MTRR: variants seen among roughly 807,000 people sequenced by gnomAD.
MTRR encodes the protein 5-methyltetrahydrofolate-homocysteine methyltransferase reductase.
Under a neutral mutation model 79.2 loss-of-function variants are expected in MTRR, and 63 were observed. That is an observed-to-expected ratio of 0.80 (90% CI 0.65 to 0.98). MTRR has a LOEUF of 0.98. MTRR is among the 50% of genes least tolerant of loss of function. The pLI is 0.00. For missense variants in MTRR, 895 were observed against 839.6 expected, an observed-to-expected ratio of 1.07 and a Z score of -0.82; for synonymous variants, 355 against 313.3, an observed-to-expected ratio of 1.13 and a Z score of -1.41.
intron 1 of MTRR, 28 bp from the exon 2 acceptor site, chr5:7,870,742 A>C (rs755521213): frequency 6.2e-7 from 1 of 1,613,360 alleles, no homozygotes; most frequent in South Asian, 1.1e-5. Flanking sequence ...TTCATTAAAA[A>C]GAGGATCTTT....
upstream of MTRR, chr5:7,865,929 A>G: frequency 2.5e-6 from 4 of 1,614,034 alleles, no homozygotes; most frequent in Non-Finnish European, 3.4e-6. Context: ...GACTGAGGCT[A>G]AGAAAAGTTG....
chr5:7,853,854 G>C (rs1200457972), intron 1 of MTRR, among the ~76,000 whole-genome samples: 1 of 152,150 alleles, frequency 6.6e-6, no homozygotes, highest in Non-Finnish European at 1.5e-5. Context: ...AGGGCTGACA[G>C]CAAAAGACAG....
upstream of MTRR, chr5:7,867,228 A>G: frequency 6.2e-7 from 1 of 1,614,090 alleles, no homozygotes; most frequent in African/African-American, 1.3e-5. Flanking sequence ...GAAACTATTG[A>G]TAGGGAAAAG....
chr5:7,897,488 T>C (rs1738736328), intron 14 of MTRR, among the ~76,000 whole-genome samples: 1 of 152,228 alleles, frequency 6.6e-6, no homozygotes, highest in South Asian at 2.1e-4. Context: ...TGGTACCATT[T>C]ACTTACCTGT....
intron 2 of MTRR, chr5:7,863,273 G>C: frequency 2.6e-6 from 1 of 382,518 alleles, no homozygotes. Context: ...AGGTAAAAAG[G>C]AGTGAGGAGA....
intron 1 of MTRR, chr5:7,861,292 T>A: frequency 7.9e-7 from 1 of 1,264,918 alleles, no homozygotes. Flanking sequence ...GAAAAATACT[T>A]AATTTTTTAA....
intron 2 of MTRR, among the ~76,000 whole-genome samples, chr5:7,872,551 G>A (rs1203509924): frequency 6.6e-6 from 1 of 152,208 alleles, no homozygotes; most frequent in East Asian, 1.9e-4. Context: ...GAGGGAATGA[G>A]CGGTTCTTGA....
intron 1 of MTRR, among the ~76,000 whole-genome samples, chr5:7,860,308 G>A (rs1043979385): frequency 6.6e-6 from 1 of 152,176 alleles, no homozygotes; most frequent in Non-Finnish European, 1.5e-5. Context: ...CTCACGCACT[G>A]CTGAGCCCTC....
intron 2 of MTRR, among the ~76,000 whole-genome samples, chr5:7,872,669 A>G (rs926867331): frequency 1.3e-5 from 2 of 152,074 alleles, no homozygotes; most frequent in African/African-American, 2.4e-5. Flanking sequence ...GGCTGGTTTT[A>G]TATTTTGCTG....
chr5:7,887,572 A>C (rs866644962), intron 8 of MTRR, among the ~76,000 whole-genome samples: 1 of 142,972 alleles, frequency 7.0e-6, no homozygotes, highest in African/African-American at 2.5e-5. Context: ...AGATTTATAT[A>C]TATATATATT....
chr5:7,869,051 G>GGGGCGGGAGCACGACTCA, upstream of MTRR: 1 of 1,523,512 alleles, frequency 6.6e-7, no homozygotes, highest in Non-Finnish European at 9.1e-7. Flanking sequence ...TAGCAAACGC[G>GGGGCGGGAGCACGACTCA]GGGCGGGAGC....
intron 2 of MTRR, 121 bp from the exon 3 acceptor site, chr5:7,873,248 CAAAA>C (rs966879124): frequency 7.9e-7 from 1 of 1,272,610 alleles, no homozygotes; most frequent in East Asian, 2.3e-5. Flanking sequence ...CTGGTCGTCT[CAAAA>C]AAACTGGCAA....
intron 1 of MTRR, 111 bp from the exon 2 acceptor site, chr5:7,870,659 A>G: frequency 8.5e-7 from 1 of 1,178,632 alleles, no homozygotes; most frequent in East Asian, 2.5e-5. Flanking sequence ...AGGCCATTTC[A>G]TATTATGTGT....
upstream of MTRR, chr5:7,869,037 T>C: frequency 6.9e-7 from 1 of 1,441,102 alleles, no homozygotes; most frequent in African/African-American, 1.4e-5. Context: ...GTCGTGGGCC[T>C]CCGTAGCAAA....
At chr5:7,867,337 T>A, upstream of MTRR, 3 of 1,614,114 alleles carry the variant, frequency 1.9e-6, no homozygotes, top group Non-Finnish European at 2.5e-6. Flanking sequence ...GGGTAAATGT[T>A]TCCAATTTTT....
At chr5:7,899,891 C>A in intron 14 of MTRR, 23 bp from the exon 15 acceptor site, 1 of 1,613,958 alleles carries the variant, frequency 6.2e-7, no homozygotes, top group South Asian at 1.1e-5. Context: ...TGTAAGCAGT[C>A]ATCTTATTAT....
chr5:7,900,039 T>C lies in MTRR; in HGVS notation c.2078T>C (p.Leu693Pro). 6.2e-7 allele frequency: 1 copy of C among 1,613,636 alleles called. No homozygotes were observed. Among genetic ancestry groups the C allele is most frequent in the Non-Finnish European group, 8.5e-7 (1 of 1,179,926 alleles). Residue 693 changes from leucine (L) to proline (P), a missense_variant, in exon 15 of 15, where the codon CTT becomes CCT. Coordinates refer to ENST00000440940, the MANE Select transcript of MTRR (RefSeq NM_002454.3). ...ACTTTAAAAGAAGAAAAACGCTACC[T>C]TCAGGATATTTGGTCATAAAACCAG... The part of the protein sequence containing the change: ...LATLKEEKRY[L>P]QDIWS
intron 2 of MTRR, chr5:7,863,014 G>T: frequency 6.3e-7 from 1 of 1,598,212 alleles, no homozygotes; most frequent in Non-Finnish European, 8.5e-7. Flanking sequence ...AATCATAAGT[G>T]CAAATGTGAG....
chr5:7,867,336 T>G, upstream of MTRR: 2 of 1,614,050 alleles, frequency 1.2e-6, no homozygotes, highest in Non-Finnish European at 1.7e-6. Context: ...GGGGTAAATG[T>G]TTCCAATTTT....
Sources: allele counts gnomAD v4.1 joint callset (sites outside exome capture counted in the v4.1 genomes callset), GRCh38; gene constraint gnomAD v4.1.1; transcripts MANE v1.5; gene names NCBI Gene and HGNC (gene_info 2026-07-23, HGNC 2026-07-21).